IGF2BP3: variants seen among roughly 807,000 people sequenced by gnomAD.
IGF2BP3 encodes the protein insulin like growth factor 2 mRNA binding protein 3, also known as insulin-like growth factor 2 mRNA-binding protein 3.
A neutral mutation model predicts 73.8 loss-of-function variants in IGF2BP3; 9 were observed. The ratio of observed to expected loss-of-function variants is 0.12; its 90% CI spans 0.07 to 0.21. The LOEUF is 0.21. Ranked by LOEUF, IGF2BP3 falls within the 10% of genes least tolerant of loss-of-function variation. IGF2BP3 has a pLI of 1.00. For synonymous variants in IGF2BP3, 258 were observed against 256.7 expected (o/e 1.01, Z -0.05); for missense variants, 542 against 714.0 (o/e 0.76, Z 2.75).
At chr7:23,361,029 A>T (rs1201268198) in intron 5 of IGF2BP3, among the ~76,000 whole-genome samples, 1 of 152,190 alleles carries the variant, frequency 6.6e-6, no homozygotes, top group Non-Finnish European at 1.5e-5. Context: ...GCACTGGAAT[A>T]TATTTTTTTC....
intron 5 of IGF2BP3, among the ~76,000 whole-genome samples, chr7:23,355,736 C>T (rs989440607): frequency 3.3e-5 from 5 of 152,032 alleles, no homozygotes; most frequent in Admixed American, 6.5e-5. Context: ...AGTTCAAGAC[C>T]AGCTTGGACA....
At chr7:23,348,564 C>T (rs1379692075) in intron 6 of IGF2BP3, among the ~76,000 whole-genome samples, 1 of 152,130 alleles carries the variant, frequency 6.6e-6, no homozygotes, top group Non-Finnish European at 1.5e-5. Flanking sequence ...ATACATGGGT[C>T]AAGAGTGATG....
At chr7:23,313,390 A>G (rs780950655) in intron 13 of IGF2BP3, 132 bp downstream of exon 13, 44 of 974,218 alleles carry the variant, frequency 4.5e-5, no homozygotes, top group Non-Finnish European at 6.7e-5. Flanking sequence ...ACAAAAGGCA[A>G]TCTTCTCCAA....
Position 23,378,569 on chromosome 7 carries a change from GTTTTTT to G in IGF2BP3, c.286-16834_286-16829del, listed in dbSNP as rs1156868701. On this transcript the variant is annotated intron_variant, in intron 3 of 14. Transcript: ENST00000258729. ...CACCATGCCAGGCTAATTTTTGCTT[GTTTTTT>G]TTTTTTTTTTTTTTTTTGAGACAGA... 3.3e-3 allele frequency among the ~76,000 whole-genome samples: 220 copies of G among 65,884 alleles called. 1 individual carries two copies. The highest frequency in any genetic ancestry group is 0.014 in the African/African-American group (194 of 13,848). 43.2% of individuals were successfully genotyped at this position (65,884 alleles called of 152,430 possible). A position where few individuals can be genotyped will look rare whatever the true frequency, so the allele number is the denominator to read the frequency against.
At chr7:23,459,895 T>A (rs1788405234) in intron 2 of IGF2BP3, among the ~76,000 whole-genome samples, 1 of 151,436 alleles carries the variant, frequency 6.6e-6, no homozygotes, top group African/African-American at 2.4e-5. Context: ...TTCAGACAAT[T>A]TTCCCAATGT....
chr7:23,321,219 C>A (rs1280774833), intron 10 of IGF2BP3, among the ~76,000 whole-genome samples: 1 of 152,126 alleles, frequency 6.6e-6, no homozygotes, highest in Non-Finnish European at 1.5e-5. Context: ...GTGCATGCAC[C>A]ATGGGTGAGC....
At chr7:23,418,240 A>G (rs1201588354) in intron 3 of IGF2BP3, among the ~76,000 whole-genome samples, 2 of 152,196 alleles carry the variant, frequency 1.3e-5, no homozygotes, top group African/African-American at 4.8e-5. Context: ...TTATCCCTTC[A>G]ACTACTGGTG....
intron 3 of IGF2BP3, chr7:23,414,013 G>C (rs536698642): frequency 7.9e-5 from 12 of 152,286 alleles, no homozygotes; most frequent in African/African-American, 2.6e-4. Context: ...AGCTGGGCAT[G>C]GTGGCGCGCA....
chr7:23,378,569 GT>G (rs1156868701), intron 3 of IGF2BP3, among the ~76,000 whole-genome samples: 2,427 of 65,802 alleles, frequency 0.037, 16 homozygotes, highest in African/African-American at 0.093. Context: ...ATTTTTGCTT[GT>G]TTTTTTTTTT....
chr7:23,398,311 A>G (rs1301828913), intron 3 of IGF2BP3, among the ~76,000 whole-genome samples: 2 of 152,116 alleles, frequency 1.3e-5, no homozygotes, highest in South Asian at 4.1e-4. Flanking sequence ...CCAGTCTGTC[A>G]TTGTTGGACA....
chr7:23,403,036 G>C (rs1207810924), intron 3 of IGF2BP3, among the ~76,000 whole-genome samples: 1 of 152,198 alleles, frequency 6.6e-6, no homozygotes, highest in Non-Finnish European at 1.5e-5. Context: ...GTGGCCTCAT[G>C]TCCTGCACAG....
chr7:23,397,771 C>T (rs1393796951), intron 3 of IGF2BP3, among the ~76,000 whole-genome samples: 3 of 152,210 alleles, frequency 2.0e-5, no homozygotes, highest in Non-Finnish European at 4.4e-5. Context: ...GCTGATTACA[C>T]TGGTGGTAAA....
chr7:23,404,872 G>C (rs1390382938), intron 3 of IGF2BP3: 1 of 152,090 alleles, frequency 6.6e-6, no homozygotes, highest in African/African-American at 2.4e-5. Context: ...TTGGTTTACT[G>C]TTCTAAAACC....
rs137912387 is a variant in IGF2BP3, at chr7:23,360,270, A to G, written c.401+1264T>C. Reference sequence around the variant, plus strand: ...AAACAGATTCACTACAATATTGTTCATAACTGCAAGAGACTGGAAACAACC... The same window carrying G: ...AAACAGATTCACTACAATATTGTTCGTAACTGCAAGAGACTGGAAACAACC... On this transcript the variant is annotated intron_variant, in intron 5 of 14. Coordinates refer to ENST00000258729, the MANE Select transcript of IGF2BP3 (RefSeq NM_006547.3). Among the ~76,000 whole-genome samples the G allele has an allele frequency of 4.6e-5, 7 of 152,368 alleles. No homozygotes were observed. The East Asian group carries it at 1.3e-3, about 29-fold the overall frequency.
At chr7:23,465,781 A>G (rs1345861875) in intron 2 of IGF2BP3, among the ~76,000 whole-genome samples, 1 of 152,162 alleles carries the variant, frequency 6.6e-6, no homozygotes, top group African/African-American at 2.4e-5. Flanking sequence ...ACTCCACCCT[A>G]AAGTCCAGCA....
At chr7:23,449,568 T>G (rs1788148559) in intron 2 of IGF2BP3, among the ~76,000 whole-genome samples, 1 of 142,798 alleles carries the variant, frequency 7.0e-6, no homozygotes, top group Non-Finnish European at 1.5e-5. Flanking sequence ...TTTTTTTTTT[T>G]TTTTTTTTGA....
chr7:23,427,832 C>A (rs1787555157), intron 2 of IGF2BP3, among the ~76,000 whole-genome samples: 1 of 151,958 alleles, frequency 6.6e-6, no homozygotes, highest in Non-Finnish European at 1.5e-5. Context: ...ATGGTGAAAT[C>A]CCATCTCTAC....
chr7:23,343,872 G>A lies in IGF2BP3; in HGVS notation c.942-19C>T. ...CTGCAATCTGCAGAATGAAAAAGAA[G>A]GGAAAGAAAAAGAATGAAAATTGGA... On this transcript the variant is annotated intron_variant, in intron 8 of 14. Transcript: ENST00000258729. 6.2e-7 allele frequency: 1 copy of A among 1,602,618 alleles called. No individual in the cohort carries two copies. Among genetic ancestry groups the A allele is most frequent in the South Asian group, 1.1e-5 (1 of 89,146 alleles).
chr7:23,379,312 G>A (rs1244605846), intron 3 of IGF2BP3, among the ~76,000 whole-genome samples: 2 of 152,194 alleles, frequency 1.3e-5, no homozygotes, highest in Non-Finnish European at 2.9e-5. Context: ...TCCCAGCCAT[G>A]TTCTCTTATA....
Sources: allele counts gnomAD v4.1 joint callset (sites outside exome capture counted in the v4.1 genomes callset), GRCh38; gene constraint gnomAD v4.1.1; transcripts MANE v1.5; gene names NCBI Gene and HGNC (gene_info 2026-07-23, HGNC 2026-07-21).